The following HRH4 variants were observed in gnomAD, a reference collection of about 807,000 sequenced individuals.
HRH4 encodes the protein histamine receptor H4, also known as histamine H4 receptor.
A neutral mutation model predicts 10.4 loss-of-function variants in HRH4; 12 were observed. That is an observed-to-expected ratio of 1.15 (90% CI 0.74 to 1.87). HRH4 has a LOEUF of 1.87. HRH4 is among the 40% of genes most tolerant of loss of function. The pLI, the probability that HRH4 is intolerant of heterozygous loss-of-function variation, is 0.00. For missense variants in HRH4, 415 were observed against 453.3 expected, an observed-to-expected ratio of 0.92 and a Z score of 0.77; for synonymous variants, 154 against 166.6, an observed-to-expected ratio of 0.92 and a Z score of 0.58.
intron 1 of HRH4, among the ~76,000 whole-genome samples, chr18:24,465,576 A>G (rs1382654958): frequency 6.6e-6 from 1 of 152,182 alleles, no homozygotes; most frequent in Non-Finnish European, 1.5e-5. Flanking sequence ...CAAAAACACA[A>G]TTCCAGAATC....
At position 24,479,671 on chromosome 18, in the gene HRH4, A is replaced by G. The variant is rs540659515; in HGVS notation, c.*2109A>G. 4 of 152,138 alleles carry G rather than the reference A, an allele frequency of 2.6e-5. No homozygotes were observed. The highest frequency in any genetic ancestry group is 4.4e-5 in the Non-Finnish European group (3 of 68,000). 9.4% of individuals were successfully genotyped at this position (152,138 alleles called of 1,614,324 possible). The stretch of plus-strand genomic sequence containing the variant: ...TGTTCTCTGCCTGTCTTTGTCACAA[A>G]ATTTCATTTTTCTCATAGTTAATTT... On this transcript the variant is annotated 3_prime_UTR_variant, in exon 3 of 3. Transcript: ENST00000256906.
chr18:24,467,040 C>A (rs992570571), intron 1 of HRH4, among the ~76,000 whole-genome samples: 4 of 152,200 alleles, frequency 2.6e-5, no homozygotes, highest in African/African-American at 9.6e-5. Context: ...AAATCACAAT[C>A]CCTGGTTTCA....
Position 24,477,111 on chromosome 18 carries a change from C to G in HRH4, c.722C>G (p.Ser241Trp). ...RLSSRRSLSA[S>W]TEVPASFHSE... ...TCTTCAAGGAGATCTCTTTCTGCAT[C>G]GACAGAAGTTCCTGCATCCTTTCAT... The change falls in exon 3 of 3, where the codon TCG (serine) becomes TGG (tryptophan). Residue 241 changes from serine (S) to tryptophan (W), a missense_variant. Physicochemically the swap from Ser to Trp is radical, Grantham distance 177. Coordinates refer to ENST00000256906, the MANE Select transcript of HRH4 (RefSeq NM_021624.4). The G allele has an allele frequency of 1.2e-6, 2 of 1,614,162 alleles. No homozygotes were observed. The highest frequency in any genetic ancestry group is 8.5e-7 in the Non-Finnish European group (1 of 1,180,018).
intron 2 of HRH4, among the ~76,000 whole-genome samples, chr18:24,472,459 G>C (rs1188131999): frequency 6.6e-6 from 1 of 152,206 alleles, no homozygotes; most frequent in Non-Finnish European, 1.5e-5. Context: ...GCACAGCACA[G>C]AGTAAAATAT....
intron 1 of HRH4, among the ~76,000 whole-genome samples, chr18:24,464,574 G>T (rs1276857648): frequency 2.0e-5 from 3 of 152,034 alleles, no homozygotes; most frequent in Non-Finnish European, 4.4e-5. Flanking sequence ...GATTTACTTG[G>T]GGATTTTAGC....
chr18:24,463,124 T>C (rs1909684432), intron 1 of HRH4, among the ~76,000 whole-genome samples: 1 of 152,240 alleles, frequency 6.6e-6, no homozygotes, highest in African/African-American at 2.4e-5. Context: ...TGTCTCCATG[T>C]CTGGCCCAAG....
chr18:24,466,097 A>G (rs1006349475), intron 1 of HRH4, among the ~76,000 whole-genome samples: 9 of 151,270 alleles, frequency 5.9e-5, no homozygotes, highest in South Asian at 2.1e-4. Flanking sequence ...CTGGTGACCT[A>G]TATTATTTTA....
intron 2 of HRH4, among the ~76,000 whole-genome samples, chr18:24,475,931 G>GT (rs1296752561): frequency 6.6e-6 from 1 of 152,074 alleles, no homozygotes; most frequent in Non-Finnish European, 1.5e-5. Context: ...TTGCTTGAAC[G>GT]TGGGAAGCGG....
At position 24,468,803 on chromosome 18, in the gene HRH4, C is replaced by T. The variant is rs754336963; in HGVS notation, c.209C>T (p.Pro70Leu). 11 of 1,613,220 alleles carry T rather than the reference C, an allele frequency of 6.8e-6. No homozygotes were observed. The highest frequency in any genetic ancestry group is 8.5e-6 in the Non-Finnish European group (10 of 1,179,654). Residue 70 changes from proline to leucine, a missense_variant, in exon 2 of 3, where the codon CCT (proline) becomes CTT (leucine). Transcript: ENST00000256906. Reference sequence around the variant, plus strand: ...CCCTGTGCAGGTGTGATCTCCATTCCTTTGTACATCCCTCACACGCTGTTC... The same window carrying T: ...CCCTGTGCAGGTGTGATCTCCATTCTTTTGTACATCCCTCACACGCTGTTC... ...SDFFVGVISI[P>L]LYIPHTLFEW...
chr18:24,470,501 A>ATTTTTTTTTTTTT (rs200257355), intron 2 of HRH4, among the ~76,000 whole-genome samples: 2 of 129,878 alleles, frequency 1.5e-5, no homozygotes, highest in Non-Finnish European at 1.6e-5. Flanking sequence ...TTGTTTCTCT[A>ATTTTTTTTTTTTT]TTTTTTTTTT....
In HRH4 at chr18:24,477,754, A is replaced by G. The variant is rs140705862; in HGVS notation, c.*192A>G. On this transcript the variant is annotated 3_prime_UTR_variant, in exon 3 of 3. Transcript: ENST00000256906. ...GTAAACTTGTAGTCATAATAGTACT[A>G]TATTCTTCTTAGTCCTCACCTCTTC... 7.6e-5 allele frequency: 35 copies of G among 461,180 alleles called. No individual in the cohort carries two copies. The East Asian group carries it at 9.6e-4, about 13-fold the overall frequency. The allele number at this position is 461,180 out of a possible 1,614,324, so 28.6% of individuals were successfully genotyped here.
At position 24,477,326 on chromosome 18, in the gene HRH4, G is replaced by T. The variant is rs201686910; in HGVS notation, c.937G>T (p.Ala313Ser). 1 of 1,614,080 alleles carries T rather than the reference G, an allele frequency of 6.2e-7. No individual in the cohort carries two copies. The highest frequency in any genetic ancestry group is 2.2e-5 in the East Asian group (1 of 44,874). ...ACTGGCCATTCTCTTAGGGGTTTTT[G>T]CTGTTTGCTGGGCTCCATATTCTCT... is the stretch of plus-strand genomic sequence containing the variant. The part of the protein sequence containing the change: ...KSLAILLGVF[A>S]VCWAPYSLFT... Residue 313 changes from alanine (A) to serine (S), a missense_variant, in exon 3 of 3, where the codon GCT (alanine) becomes TCT (serine). By Grantham distance (99) the Ala-to-Ser change is moderately conservative. Coordinates refer to ENST00000256906, the MANE Select transcript of HRH4 (RefSeq NM_021624.4).
chr18:24,469,708 C>A (rs1297720191), intron 2 of HRH4, among the ~76,000 whole-genome samples: 1 of 152,186 alleles, frequency 6.6e-6, no homozygotes, highest in Admixed American at 6.5e-5. Context: ...AGGCATTTTG[C>A]TAAGTGCTGG....
chr18:24,477,473 C>A lies in HRH4; in HGVS notation c.1084C>A (p.His362Asn). The part of the protein sequence containing the change: ...FVNPLLYPLC[H>N]KRFQKAFLKI... Reference sequence around the variant, plus strand: ...CAATCCTCTTTTGTATCCATTGTGTCACAAGCGCTTTCAAAAGGCTTTCTT... The same window carrying A: ...CAATCCTCTTTTGTATCCATTGTGTAACAAGCGCTTTCAAAAGGCTTTCTT... The change falls in exon 3 of 3, where the codon CAC (histidine) becomes AAC (asparagine). Residue 362 changes from histidine to asparagine, a missense_variant. Coordinates refer to ENST00000256906, the MANE Select transcript of HRH4 (RefSeq NM_021624.4). 1 of 1,612,778 alleles carries A rather than the reference C, an allele frequency of 6.2e-7. No homozygotes were observed. The highest frequency in any genetic ancestry group is 1.1e-5 in the South Asian group (1 of 90,926).
rs758680687 is a variant in HRH4 at position 24,468,831 on chromosome 18, ATGGGATTT to A, written c.241_248del (p.Asp81LysfsTer11). 9 of 1,614,004 alleles carry A rather than the reference ATGGGATTT, an allele frequency of 5.6e-6. No homozygotes were observed. The Admixed American group carries it at 8.3e-5, about 15-fold the overall frequency. ...TGTACATCCCTCACACGCTGTTCGA[ATGGGATTT>A]TGGAAAGGAAATCTGTGTATTTTGG... is the stretch of plus-strand genomic sequence containing the variant. On this transcript the variant is annotated frameshift_variant, in exon 2 of 3. Transcript: ENST00000256906. LOFTEE classifies it high-confidence loss of function.
intron 2 of HRH4, among the ~76,000 whole-genome samples, chr18:24,471,688 A>C (rs1473629428): frequency 6.6e-6 from 1 of 151,904 alleles, no homozygotes; most frequent in Non-Finnish European, 1.5e-5. Context: ...TCTTGTACAT[A>C]ATAAAAGTAA....
chr18:24,474,263 C>CAAA (rs5823428), intron 2 of HRH4, among the ~76,000 whole-genome samples: 5 of 148,962 alleles, frequency 3.4e-5, no homozygotes, highest in African/African-American at 1.2e-4. Context: ...AAGCAGAAGG[C>CAAA]AAAAAAAAAA....
rs556318946 is a variant in HRH4, at chr18:24,478,918, T to G, written c.*1356T>G. 3 of 151,288 alleles carry G rather than the reference T, an allele frequency of 2.0e-5. No individual in the cohort carries two copies. Among genetic ancestry groups the G allele is most frequent in the African/African-American group, 7.3e-5 (3 of 41,114 alleles). The allele number at this position is 151,288 out of a possible 1,614,324, so 9.4% of individuals were successfully genotyped here. A position where few individuals can be genotyped will look rare whatever the true frequency, so the allele number is the denominator to read the frequency against. ...GTCAATAATTATTTTTTAAAAAAAATTTTTAAAAAGGTTTTTTGAGACAGA... is the reference window on the plus strand; with the variant it reads ...GTCAATAATTATTTTTTAAAAAAAAGTTTTAAAAAGGTTTTTTGAGACAGA... On this transcript the variant is annotated 3_prime_UTR_variant, in exon 3 of 3. Transcript: ENST00000256906.
Position 24,477,343 on chromosome 18 carries a change from A to C in HRH4, c.954A>C (p.Pro318=). 6.2e-7 allele frequency: 1 copy of C among 1,614,096 alleles called. No homozygotes were observed. Among genetic ancestry groups the C allele is most frequent in the Non-Finnish European group, 8.5e-7 (1 of 1,179,966 alleles). The part of the protein sequence containing the change: ...LLGVFAVCWA[P]YSLFTIVLSF... ...GGGTTTTTGCTGTTTGCTGGGCTCC[A>C]TATTCTCTGTTCACAATTGTCCTTT... The change falls in exon 3 of 3, where the codon CCA becomes CCC. Residue 318 remains proline (P), a synonymous_variant. Coordinates refer to ENST00000256906, the MANE Select transcript of HRH4 (RefSeq NM_021624.4).
Sources: allele counts gnomAD v4.1 joint callset (sites outside exome capture counted in the v4.1 genomes callset), GRCh38; gene constraint gnomAD v4.1.1; transcripts MANE v1.5; gene names NCBI Gene and HGNC (gene_info 2026-07-23, HGNC 2026-07-21).